Variants in SMCHD1 observed in about 807,000 individuals in gnomAD.
The protein encoded by SMCHD1 is structural maintenance of chromosomes flexible hinge domain-containing protein 1.
In SMCHD1, 78 loss-of-function variants were observed where a neutral mutation model predicts 254.7. The ratio of observed to expected loss-of-function variants is 0.31; its 90% CI spans 0.26 to 0.37. SMCHD1 has a LOEUF of 0.37. Among genes scored for constraint, SMCHD1 ranks in the 10% least tolerant of loss-of-function variants. The pLI is 1.00. For synonymous variants in SMCHD1, 766 were observed against 794.9 expected, an observed-to-expected ratio of 0.96 and a Z score of 0.61; for missense variants, 1,840 against 2,408.1, an observed-to-expected ratio of 0.76 and a Z score of 4.94.
chr18:2,754,388 A>G (rs986096456), intron 34 of SMCHD1, among the ~76,000 whole-genome samples: 2 of 152,222 alleles, frequency 1.3e-5, no homozygotes, highest in Admixed American at 1.3e-4. Context: ...GAAATGAGCA[A>G]GGTAAAAAGC....
At chr18:2,657,300 A>T (rs2073098515) in intron 1 of SMCHD1, among the ~76,000 whole-genome samples, 1 of 152,190 alleles carries the variant, frequency 6.6e-6, no homozygotes, top group Non-Finnish European at 1.5e-5. Flanking sequence ...AGCGTCTAGA[A>T]CTGTGCCTGC....
At chr18:2,678,742 A>G (rs2073836778) in intron 5 of SMCHD1, among the ~76,000 whole-genome samples, 1 of 152,068 alleles carries the variant, frequency 6.6e-6, no homozygotes, top group Non-Finnish European at 1.5e-5. Flanking sequence ...TAGTGGCTCC[A>G]TTAGGGCCGA....
At chr18:2,692,264 A>G (rs9957950) in intron 7 of SMCHD1, among the ~76,000 whole-genome samples, 31,116 of 152,098 alleles carry the variant, frequency 0.2, 3,432 homozygotes, top group East Asian at 0.33. Context: ...GAAGTCAAAT[A>G]TTGGCTGGGC....
At chr18:2,778,843 C>T (rs996861184) in intron 44 of SMCHD1, 10 of 152,260 alleles carry the variant, frequency 6.6e-5, no homozygotes, top group Admixed American at 2.0e-4. Flanking sequence ...CCGCAGTGAC[C>T]TCATATTAAC....
At chr18:2,747,388 A>G (rs879784738) in intron 29 of SMCHD1, 134 bp from the exon 30 acceptor site, 8 of 736,558 alleles carry the variant, frequency 1.1e-5, no homozygotes, top group Non-Finnish European at 1.6e-5. Flanking sequence ...TCAAAAGTTC[A>G]TTTTCATTGA....
At chr18:2,690,409 T>C (rs1174544005) in intron 7 of SMCHD1, among the ~76,000 whole-genome samples, 1 of 152,190 alleles carries the variant, frequency 6.6e-6, no homozygotes, top group Non-Finnish European at 1.5e-5. Context: ...GCATAACATC[T>C]TACCTGAATT....
intron 41 of SMCHD1, among the ~76,000 whole-genome samples, chr18:2,773,644 G>A (rs972005367): frequency 5.9e-5 from 9 of 152,072 alleles, no homozygotes; most frequent in Non-Finnish European, 8.8e-5. Context: ...AGAATAGTCC[G>A]GGCGCGTTGG....
chr18:2,663,640 C>G (rs1375468665), intron 1 of SMCHD1, among the ~76,000 whole-genome samples: 1 of 152,062 alleles, frequency 6.6e-6, no homozygotes, highest in East Asian at 1.9e-4. Context: ...TGTCACCTCT[C>G]TTGTTTGCTA....
At chr18:2,770,438 A>G (rs1440851214) in intron 39 of SMCHD1, among the ~76,000 whole-genome samples, 1 of 152,206 alleles carries the variant, frequency 6.6e-6, no homozygotes, top group Non-Finnish European at 1.5e-5. Context: ...AATATCACCA[A>G]GGGAGTGATG....
intron 5 of SMCHD1, among the ~76,000 whole-genome samples, chr18:2,681,005 C>G (rs2073910590): frequency 6.6e-6 from 1 of 152,160 alleles, no homozygotes; most frequent in Admixed American, 6.5e-5. Flanking sequence ...GTGGCTCACA[C>G]CTGTAATGCC....
rs2076094877 is a variant in SMCHD1, at chr18:2,777,999, A to G, written c.5476+84A>G. On this transcript the variant is annotated intron_variant, in intron 43 of 47. Transcript: ENST00000320876. ...TATAAATTACTGATAATGAAAATTT[A>G]TATTCTTATTTTGCTTATCAGTCAT... 9 of 1,077,644 alleles carry G rather than the reference A, an allele frequency of 8.4e-6. No individual in the cohort carries two copies. The African/African-American group carries it at 9.6e-5, about 12-fold the overall frequency. 66.8% of individuals were successfully genotyped at this position (1,077,644 alleles called of 1,614,324 possible).
chr18:2,725,548 G>T (rs1221768895), intron 21 of SMCHD1, among the ~76,000 whole-genome samples: 1 of 151,748 alleles, frequency 6.6e-6, no homozygotes, highest in African/African-American at 2.4e-5. Flanking sequence ...TTTCAGTTAG[G>T]TCTATAAAGC....
chr18:2,802,733 A>T lies in SMCHD1; in HGVS notation c.*181A>T. Reference sequence around the variant, plus strand: ...CTGGAAACAACCATTCAATTTTATGAATCTTACTGGACATTATGGATTTAC... The same window carrying T: ...CTGGAAACAACCATTCAATTTTATGTATCTTACTGGACATTATGGATTTAC... On this transcript the variant is annotated 3_prime_UTR_variant, in exon 48 of 48. Transcript: ENST00000320876. 1 of 489,710 alleles carries T rather than the reference A, an allele frequency of 2.0e-6. No individual in the cohort carries two copies. The highest frequency in any genetic ancestry group is 3.6e-6 in the Non-Finnish European group (1 of 276,158). The allele number at this position is 489,710 out of a possible 1,614,324, so 30.3% of individuals were successfully genotyped here.
At chr18:2,720,276 T>C (rs2074896874) in intron 19 of SMCHD1, among the ~76,000 whole-genome samples, 1 of 152,232 alleles carries the variant, frequency 6.6e-6, no homozygotes, top group South Asian at 2.1e-4. Flanking sequence ...TGCTTTCTAT[T>C]TTTTCCTTTT....
At chr18:2,681,773 T>G (rs1384996999) in intron 5 of SMCHD1, among the ~76,000 whole-genome samples, 1 of 152,058 alleles carries the variant, frequency 6.6e-6, no homozygotes, top group African/African-American at 2.4e-5. Context: ...TGGATTCAGG[T>G]ATGTGTTGGG....
chr18:2,678,698 A>G (rs946505951), intron 5 of SMCHD1, among the ~76,000 whole-genome samples: 2 of 151,960 alleles, frequency 1.3e-5, no homozygotes, highest in Non-Finnish European at 2.9e-5. Flanking sequence ...AATACTTTCT[A>G]ATATCCTGGT....
intron 3 of SMCHD1, among the ~76,000 whole-genome samples, chr18:2,669,952 T>A (rs977234995): frequency 6.6e-6 from 1 of 152,220 alleles, no homozygotes; most frequent in African/African-American, 2.4e-5. Context: ...CTCAATGTTT[T>A]ATCTTAAAAT....
At chr18:2,727,463 A>C (rs1403325019) in intron 22 of SMCHD1, among the ~76,000 whole-genome samples, 2 of 152,118 alleles carry the variant, frequency 1.3e-5, no homozygotes, top group Admixed American at 1.3e-4. Flanking sequence ...ATCAACAAAC[A>C]TTCATTTATT....
At chr18:2,774,156 A>G (rs567732305) in intron 41 of SMCHD1, among the ~76,000 whole-genome samples, 2 of 152,246 alleles carry the variant, frequency 1.3e-5, no homozygotes, top group South Asian at 4.1e-4. Flanking sequence ...TATTATAGTT[A>G]TACTTAACAT....
Sources: gnomAD v4.1 joint callset for allele counts (sites outside exome capture counted in the v4.1 genomes callset) on GRCh38, gnomAD v4.1.1 for gene constraint, MANE v1.5 for transcripts, NCBI Gene and HGNC (gene_info 2026-07-23, HGNC 2026-07-21) for gene names.